EPHA5: variants seen among roughly 807,000 people sequenced by gnomAD.
EPHA5 encodes the protein EPH receptor A5, also known as ephrin type-A receptor 5.
EPHA5 carries 60 observed loss-of-function variants against 105.0 expected under a neutral mutation model. The observed-to-expected ratio is 0.57, with a 90% CI of 0.46 to 0.71. EPHA5 has a LOEUF of 0.71. Among genes scored for constraint, EPHA5 ranks in the 30% least tolerant of loss-of-function variants. EPHA5 has a pLI of 0.00. For synonymous variants in EPHA5, 513 were observed against 449.1 expected (o/e 1.14, Z -1.80); for missense variants, 1,218 against 1,274.7 (o/e 0.96, Z 0.68).
intron 2 of EPHA5, among the ~76,000 whole-genome samples, chr4:65,615,464 T>C (rs980755729): frequency 6.6e-6 from 1 of 151,690 alleles, no homozygotes; most frequent in Non-Finnish European, 1.5e-5. Flanking sequence ...GATGAAACAA[T>C]GAAGGCCAGA....
chr4:65,570,153 C>T (rs1739972741), intron 3 of EPHA5, among the ~76,000 whole-genome samples: 1 of 151,670 alleles, frequency 6.6e-6, no homozygotes, highest in Non-Finnish European at 1.5e-5. Flanking sequence ...CCAAGATATT[C>T]TTCATTCCTA....
At chr4:65,608,313 A>G (rs1272626549) in intron 2 of EPHA5, among the ~76,000 whole-genome samples, 1 of 151,924 alleles carries the variant, frequency 6.6e-6, no homozygotes, top group Non-Finnish European at 1.5e-5. Flanking sequence ...GACCATCCTG[A>G]CTAACACGGT....
At chr4:65,513,206 A>G (rs1271498584) in intron 3 of EPHA5, among the ~76,000 whole-genome samples, 1 of 152,210 alleles carries the variant, frequency 6.6e-6, no homozygotes, top group Admixed American at 6.5e-5. Context: ...TTGAGAAGCA[A>G]CTAAATATTC....
chr4:65,562,888 G>T (rs1037981770), intron 3 of EPHA5, among the ~76,000 whole-genome samples: 1 of 151,888 alleles, frequency 6.6e-6, no homozygotes, highest in Non-Finnish European at 1.5e-5. Context: ...GAGGCGGGAG[G>T]ATTGCTAGAA....
chr4:65,624,645 C>T (rs1179986291), intron 2 of EPHA5, among the ~76,000 whole-genome samples: 1 of 152,152 alleles, frequency 6.6e-6, no homozygotes, highest in African/African-American at 2.4e-5. Flanking sequence ...ACTTCATCCC[C>T]CTCAATTCTC....
At chr4:65,541,872 T>C (rs1736870749) in intron 3 of EPHA5, among the ~76,000 whole-genome samples, 1 of 151,826 alleles carries the variant, frequency 6.6e-6, no homozygotes, top group African/African-American at 2.4e-5. Flanking sequence ...GCAAAAGAAC[T>C]GAAATCGTAA....
intron 8 of EPHA5, among the ~76,000 whole-genome samples, chr4:65,382,173 T>A (rs1249488417): frequency 6.6e-6 from 1 of 151,696 alleles, no homozygotes; most frequent in East Asian, 1.9e-4. Flanking sequence ...AACACTGTAA[T>A]CAGACACTCT....
At chr4:65,403,302 G>C (rs543264754) in intron 8 of EPHA5, among the ~76,000 whole-genome samples, 1 of 152,172 alleles carries the variant, frequency 6.6e-6, no homozygotes, top group Non-Finnish European at 1.5e-5. Flanking sequence ...GAGTCGAATA[G>C]GTGCTGAAGA....
rs200667733 is a variant in EPHA5 at position 65,383,216 on chromosome 4, GAT to G, written c.1794-15794_1794-15793del. Among the ~76,000 whole-genome samples the G allele has an allele frequency of 1.0e-2, 1,114 of 111,890 alleles. 17 individuals carry two copies. The highest frequency in any genetic ancestry group is 0.036 in the African/African-American group (1,041 of 28,940). 73.4% of individuals were successfully genotyped at this position (111,890 alleles called of 152,430 possible). ...CATATATACATCATGATGCATATATGATATACACACACACACACACACACACA... is the reference window on the plus strand; with the variant it reads ...CATATATACATCATGATGCATATATGATACACACACACACACACACACACA... On this transcript the variant is annotated intron_variant, in intron 8 of 16. Transcript: ENST00000613740.
chr4:65,329,805 C>T (rs1274945927), intron 16 of EPHA5, among the ~76,000 whole-genome samples: 1 of 125,258 alleles, frequency 8.0e-6, no homozygotes, highest in Admixed American at 8.7e-5. Flanking sequence ...TTAGCAATGA[C>T]TGACTTTTTT....
rs1737693417 is a variant in EPHA5, at chr4:65,549,536, A to C, written c.910+52105T>G. Among the ~76,000 whole-genome samples, 5 of 75,722 alleles carry C rather than the reference A, an allele frequency of 6.6e-5. No individual in the cohort carries two copies. In the Admixed American group the frequency reaches 8.6e-4, roughly 13 times the overall value. The allele number at this position is 75,722 out of a possible 152,430, so 49.7% of individuals were successfully genotyped here. Reference sequence around the variant, plus strand: ...GGTTTGGGAAAGAGTTACTGGTATCAAGTGTTCTAAGTTGACTTTTTCTAG... The same window carrying C: ...GGTTTGGGAAAGAGTTACTGGTATCCAGTGTTCTAAGTTGACTTTTTCTAG... On this transcript the variant is annotated intron_variant, in intron 3 of 16. Transcript: ENST00000613740.
chr4:65,567,359 T>C (rs1289716450), intron 3 of EPHA5, among the ~76,000 whole-genome samples: 1 of 151,632 alleles, frequency 6.6e-6, no homozygotes, highest in Non-Finnish European at 1.5e-5. Context: ...TTATAATATG[T>C]CAAACCGACA....
At chr4:65,460,499 C>G (rs940505361) in intron 5 of EPHA5, among the ~76,000 whole-genome samples, 3 of 150,422 alleles carry the variant, frequency 2.0e-5, no homozygotes, top group African/African-American at 2.4e-5. Context: ...CTGGAATATA[C>G]TAAATACTCA....
At position 65,511,271 on chromosome 4, in the gene EPHA5, T is replaced by A. The variant is rs1177808096; in HGVS notation, c.911-15728A>T. Among the ~76,000 whole-genome samples the A allele has an allele frequency of 2.6e-5, 4 of 152,318 alleles. No homozygotes were observed. The East Asian group carries it at 5.8e-4, about 22-fold the overall frequency. ...GGTGTCTGTTTGGTATGGTATCAAC[T>A]AAGTTATGTCTTTAAAAAATTATCT... On this transcript the variant is annotated intron_variant, in intron 3 of 16. Transcript: ENST00000613740.
At chr4:65,570,020 G>A (rs1018829240) in intron 3 of EPHA5, among the ~76,000 whole-genome samples, 1 of 151,784 alleles carries the variant, frequency 6.6e-6, no homozygotes, top group African/African-American at 2.4e-5. Context: ...GTGTGCATGT[G>A]TGTGTGTAAT....
intron 5 of EPHA5, among the ~76,000 whole-genome samples, chr4:65,431,267 C>T (rs371741042): frequency 2.2e-4 from 33 of 152,234 alleles, no homozygotes; most frequent in East Asian, 2.1e-3. Flanking sequence ...CAGGAATACA[C>T]ATGTAAACAC....
At chr4:65,635,615 T>C (rs926223494) in intron 2 of EPHA5, among the ~76,000 whole-genome samples, 1 of 151,994 alleles carries the variant, frequency 6.6e-6, no homozygotes, top group South Asian at 2.1e-4. Context: ...AAAAGAGCAA[T>C]AGTGGAATTT....
rs143651593 is a variant in EPHA5 at position 65,583,073 on chromosome 4, C to T, written c.910+18568G>A. 4.0e-5 allele frequency among the ~76,000 whole-genome samples: 6 copies of T among 151,660 alleles called. No individual in the cohort carries two copies. In the East Asian group the frequency reaches 9.7e-4, roughly 24 times the overall value. ...ATGTATTCTTACTTGCAAGTGTACA[C>T]AGTTGTTCATTAAATTCATTTAATA... On this transcript the variant is annotated intron_variant, in intron 3 of 16. Coordinates refer to ENST00000613740, the MANE Select transcript of EPHA5 (RefSeq NM_001281766.3).
At chr4:65,363,199 A>G (rs1322001240) in intron 11 of EPHA5, among the ~76,000 whole-genome samples, 2 of 151,558 alleles carry the variant, frequency 1.3e-5, no homozygotes, top group South Asian at 2.1e-4. Flanking sequence ...AGGAAGAAAG[A>G]TAAGTGGAGA....
Sources: gnomAD v4.1 joint callset for allele counts (sites outside exome capture counted in the v4.1 genomes callset) on GRCh38, gnomAD v4.1.1 for gene constraint, MANE v1.5 for transcripts, NCBI Gene and HGNC (gene_info 2026-07-23, HGNC 2026-07-21) for gene names.